SCMH1: variants seen among roughly 807,000 people sequenced by gnomAD.
The protein encoded by SCMH1 is polycomb protein SCMH1.
In SCMH1, 37 loss-of-function variants were observed where a neutral mutation model predicts 70.8. The ratio of observed to expected loss-of-function variants is 0.52; its 90% confidence interval spans 0.40 to 0.69. SCMH1 has a LOEUF of 0.69. SCMH1 is among the 30% of genes least tolerant of loss of function. SCMH1 has a pLI of 0.00. For missense variants in SCMH1, 607 were observed against 827.3 expected, an observed-to-expected ratio of 0.73 and a Z score of 3.27; for synonymous variants, 292 against 307.4, an observed-to-expected ratio of 0.95 and a Z score of 0.52.
At chr1:41,177,816 C>T (rs894522847) in intron 2 of SCMH1, among the ~76,000 whole-genome samples, 8 of 152,176 alleles carry the variant, frequency 5.3e-5, no homozygotes, top group African/African-American at 1.7e-4. Context: ...AAACACTCTT[C>T]AGGATATTAT....
chr1:41,152,790 A>T (rs1384702018), intron 4 of SCMH1: 1 of 1,504,698 alleles, frequency 6.6e-7, no homozygotes, highest in Admixed American at 2.2e-5. Flanking sequence ...ATCACTCCAA[A>T]GATGATGCCA....
intron 10 of SCMH1, among the ~76,000 whole-genome samples, chr1:41,065,213 T>G (rs1340651396): frequency 6.6e-6 from 1 of 152,134 alleles, no homozygotes; most frequent in African/African-American, 2.4e-5. Context: ...CTGGGGGTGG[T>G]GGCTCACACC....
At chr1:41,055,587 C>A (rs1649958422) in intron 10 of SCMH1, among the ~76,000 whole-genome samples, 4 of 152,236 alleles carry the variant, frequency 2.6e-5, no homozygotes, top group African/African-American at 9.6e-5. Flanking sequence ...CTGCCTTGGC[C>A]TCCCAAAGTG....
intron 8 of SCMH1, among the ~76,000 whole-genome samples, chr1:41,103,938 A>G (rs1222385698): frequency 1.3e-5 from 2 of 152,096 alleles, no homozygotes; most frequent in Admixed American, 6.5e-5. Context: ...TCCTATTTCT[A>G]TTTGTGTACC....
chr1:41,032,132 C>T (rs1443577526), intron 13 of SCMH1, among the ~76,000 whole-genome samples: 1 of 152,204 alleles, frequency 6.6e-6, no homozygotes, highest in Non-Finnish European at 1.5e-5. Context: ...TTGGACTTCC[C>T]AGTCTTCAGG....
At chr1:41,131,953 G>A (rs182931603) in intron 6 of SCMH1, among the ~76,000 whole-genome samples, 1 of 152,268 alleles carries the variant, frequency 6.6e-6, no homozygotes, top group African/African-American at 2.4e-5. Flanking sequence ...TATTATTGAT[G>A]GATATTTGGG....
At chr1:41,051,833 A>G (rs1571510471) in intron 10 of SCMH1, among the ~76,000 whole-genome samples, 1 of 152,164 alleles carries the variant, frequency 6.6e-6, no homozygotes, top group African/African-American at 2.4e-5. Context: ...TATTGAAGAA[A>G]ATTAAAAAAA....
At chr1:41,172,229 A>T (rs1572819577) in intron 2 of SCMH1, among the ~76,000 whole-genome samples, 1 of 151,834 alleles carries the variant, frequency 6.6e-6, no homozygotes, top group South Asian at 2.1e-4. Flanking sequence ...CTTAGAACTG[A>T]TAAACAAATT....
intron 5 of SCMH1, among the ~76,000 whole-genome samples, chr1:41,150,793 C>A (rs371174280): frequency 6.6e-6 from 1 of 151,396 alleles, no homozygotes; most frequent in South Asian, 2.1e-4. Context: ...AAAAATTAGC[C>A]GGGCATGGTG....
At chr1:41,143,683 TA>T (rs1644302654) in intron 5 of SCMH1, among the ~76,000 whole-genome samples, 1 of 152,198 alleles carries the variant, frequency 6.6e-6, no homozygotes, top group South Asian at 2.1e-4. Flanking sequence ...ATCACCACGA[TA>T]AAAATAATGA....
chr1:41,149,339 T>A (rs1454337536), intron 5 of SCMH1, among the ~76,000 whole-genome samples: 6 of 152,210 alleles, frequency 3.9e-5, no homozygotes, highest in Non-Finnish European at 7.3e-5. Context: ...ATTTCCCACA[T>A]AGTAGCCCAG....
chr1:41,149,025 T>A (rs961852586), intron 5 of SCMH1, among the ~76,000 whole-genome samples: 8 of 152,120 alleles, frequency 5.3e-5, no homozygotes, highest in Non-Finnish European at 1.0e-4. Flanking sequence ...TCTCCTGACT[T>A]CACGATCCGC....
chr1:41,200,471 C>T (rs988717757), intron 1 of SCMH1, among the ~76,000 whole-genome samples: 3 of 145,670 alleles, frequency 2.1e-5, no homozygotes, highest in Non-Finnish European at 4.6e-5. Context: ...GAGCAAAACT[C>T]GTCTCAAAAA....
intron 9 of SCMH1, among the ~76,000 whole-genome samples, chr1:41,073,414 C>T (rs1267070961): frequency 6.6e-6 from 1 of 152,158 alleles, no homozygotes; most frequent in African/African-American, 2.4e-5. Context: ...CTTCTCTGGC[C>T]TTGGCATCCT....
At chr1:41,033,429 C>T (rs1018059350) in intron 13 of SCMH1, among the ~76,000 whole-genome samples, 8 of 152,124 alleles carry the variant, frequency 5.3e-5, no homozygotes, top group African/African-American at 1.9e-4. Context: ...CTCATTTGAC[C>T]TTTAAAATAG....
At chr1:41,237,971 G>A (rs1020283582) in intron 1 of SCMH1, among the ~76,000 whole-genome samples, 6 of 152,134 alleles carry the variant, frequency 3.9e-5, no homozygotes, top group East Asian at 1.9e-4. Context: ...ATCACCAATC[G>A]CTTGTGATTT....
At chr1:41,240,940 A>G (rs964747771) in intron 1 of SCMH1, among the ~76,000 whole-genome samples, 1 of 152,160 alleles carries the variant, frequency 6.6e-6, no homozygotes, top group Non-Finnish European at 1.5e-5. Context: ...AGGACAGTTT[A>G]GAGAACCACA....
chr1:41,129,379 G>C (rs1031491723), intron 6 of SCMH1, among the ~76,000 whole-genome samples: 1 of 151,912 alleles, frequency 6.6e-6, no homozygotes, highest in African/African-American at 2.4e-5. Flanking sequence ...TCAGCTCCTG[G>C]CAACTACTAT....
chr1:41,070,470 A>AT, intron 10 of SCMH1, 125 bp downstream of exon 10: 1 of 1,276,806 alleles, frequency 7.8e-7, no homozygotes, highest in Non-Finnish European at 1.0e-6. Context: ...CAAAGATAAA[A>AT]TTTTTTAAAA....
Sources: gnomAD v4.1 joint callset for allele counts (sites outside exome capture counted in the v4.1 genomes callset) on GRCh38, gnomAD v4.1.1 for gene constraint, MANE v1.5 for transcripts, NCBI Gene and HGNC (gene_info 2026-07-23, HGNC 2026-07-21) for gene names.